The following EFCAB5 variants were observed in gnomAD, a reference collection of about 807,000 sequenced individuals.
EFCAB5 encodes the protein EF-hand calcium binding domain 5.
Under a neutral mutation model 167.9 loss-of-function variants are expected in EFCAB5, and 131 were observed. The observed-to-expected ratio is 0.78, with a 90% CI of 0.68 to 0.90. EFCAB5 has a LOEUF of 0.90. EFCAB5 is among the 40% of genes least tolerant of loss of function. The pLI is 0.00. For synonymous variants in EFCAB5, 574 were observed against 602.8 expected, an observed-to-expected ratio of 0.95 and a Z score of 0.70; for missense variants, 1,663 against 1,745.2, an observed-to-expected ratio of 0.95 and a Z score of 0.84.
At chr17:30,059,803 T>C in intron 14 of EFCAB5, 102 bp downstream of exon 14, 1 of 881,342 alleles carries the variant, frequency 1.1e-6, no homozygotes, top group Non-Finnish European at 1.6e-6. Context: ...CTAAAACCAC[T>C]AGATAACCCT....
chr17:30,047,279 T>C (rs2069954464), intron 8 of EFCAB5, among the ~76,000 whole-genome samples: 1 of 152,176 alleles, frequency 6.6e-6, no homozygotes, highest in Non-Finnish European at 1.5e-5. Context: ...CCTCTATATG[T>C]GCACTTCTAC....
chr17:30,000,023 T>C (rs757455154), intron 7 of EFCAB5, 47 bp downstream of exon 7: 1 of 1,415,724 alleles, frequency 7.1e-7, no homozygotes, highest in Non-Finnish European at 9.7e-7. Context: ...TTTTGTCAGT[T>C]TCAATTGTCT....
chr17:29,968,758 C>A, intron 3 of EFCAB5, 33 bp from the exon 4 acceptor site: 1 of 1,419,002 alleles, frequency 7.0e-7, no homozygotes, highest in Non-Finnish European at 9.3e-7. Context: ...TTACTTCTAA[C>A]ATTTCTTACA....
chr17:30,021,743 G>A (rs2069185215), intron 7 of EFCAB5, among the ~76,000 whole-genome samples: 1 of 151,928 alleles, frequency 6.6e-6, no homozygotes, highest in Admixed American at 6.6e-5. Flanking sequence ...CAAATCATTG[G>A]GCCATCCCAT....
chr17:30,067,457 A>T (rs182639145), intron 14 of EFCAB5, among the ~76,000 whole-genome samples: 179 of 152,022 alleles, frequency 1.2e-3, no homozygotes, highest in African/African-American at 4.0e-3. Flanking sequence ...TCTATTTAAA[A>T]AATAATAATA....
At chr17:29,955,343 G>T (rs1789894682) in intron 3 of EFCAB5, among the ~76,000 whole-genome samples, 1 of 152,076 alleles carries the variant, frequency 6.6e-6, no homozygotes, top group Non-Finnish European at 1.5e-5. Context: ...TGAATCATAG[G>T]GGTGGGTCTT....
chr17:30,016,960 T>G (rs915343108), intron 7 of EFCAB5, among the ~76,000 whole-genome samples: 6 of 152,048 alleles, frequency 3.9e-5, no homozygotes, highest in African/African-American at 1.4e-4. Context: ...GAGGATCTCT[T>G]GAGCCCCAGG....
At chr17:30,073,249 G>A (rs1389369422) in intron 14 of EFCAB5, 1 of 642,358 alleles carries the variant, frequency 1.6e-6, no homozygotes, top group Non-Finnish European at 2.8e-6. Context: ...TATGGATGGG[G>A]TCTCTCTGTG....
At chr17:30,008,404 C>T (rs2068820141) in intron 7 of EFCAB5, among the ~76,000 whole-genome samples, 1 of 152,174 alleles carries the variant, frequency 6.6e-6, no homozygotes, top group Admixed American at 6.5e-5. Context: ...ACCAGCCTGG[C>T]CAACATGGTG....
intron 8 of EFCAB5, among the ~76,000 whole-genome samples, chr17:30,037,788 C>T (rs2069665967): frequency 1.3e-5 from 2 of 151,894 alleles, no homozygotes; most frequent in Non-Finnish European, 2.9e-5. Flanking sequence ...AATACACATG[C>T]AAAGAAAATT....
At chr17:30,037,616 G>A (rs914086472) in intron 8 of EFCAB5, among the ~76,000 whole-genome samples, 1 of 152,118 alleles carries the variant, frequency 6.6e-6, no homozygotes, top group Non-Finnish European at 1.5e-5. Context: ...ATGAATAGAA[G>A]AAAAACATTT....
chr17:29,989,294 TG>T (rs2068358779), intron 4 of EFCAB5, among the ~76,000 whole-genome samples: 2 of 152,136 alleles, frequency 1.3e-5, no homozygotes, highest in East Asian at 1.9e-4. Context: ...ATTTCTTGAG[TG>T]GGGGCAAGCA....
intron 3 of EFCAB5, among the ~76,000 whole-genome samples, chr17:29,955,017 G>A (rs2067585275): frequency 6.6e-6 from 1 of 152,220 alleles, no homozygotes. Context: ...ATTTGGAATG[G>A]ATGTATACCC....
intron 6 of EFCAB5, among the ~76,000 whole-genome samples, chr17:29,997,645 C>A (rs984997060): frequency 5.3e-5 from 8 of 152,160 alleles, no homozygotes; most frequent in Non-Finnish European, 1.0e-4. Flanking sequence ...AATTCCACAG[C>A]AAAATTATAT....
At chr17:29,976,594 T>C (rs899528183) in intron 4 of EFCAB5, among the ~76,000 whole-genome samples, 11 of 152,194 alleles carry the variant, frequency 7.2e-5, no homozygotes, top group African/African-American at 2.7e-4. Flanking sequence ...AGTCCTGCTT[T>C]GAAATTCTCA....
chr17:30,104,756 T>A (rs1412010271), intron 22 of EFCAB5, among the ~76,000 whole-genome samples: 1 of 151,954 alleles, frequency 6.6e-6, no homozygotes, highest in East Asian at 1.9e-4. Context: ...TTAGAGCCGG[T>A]CGTTAACGCA....
chr17:30,080,647 A>G (rs1034803030), intron 16 of EFCAB5, 106 bp from the exon 17 acceptor site: 38 of 851,336 alleles, frequency 4.5e-5, no homozygotes, highest in Non-Finnish European at 6.9e-5. Flanking sequence ...CTGCTCGGTC[A>G]TATAATGCCA....
intron 8 of EFCAB5, among the ~76,000 whole-genome samples, chr17:30,035,208 C>G (rs1457540869): frequency 6.6e-6 from 1 of 152,102 alleles, no homozygotes; most frequent in African/African-American, 2.4e-5. Context: ...CTTCTTTTAA[C>G]AGAGCTTGTA....
chr17:30,050,775 G>T (rs1198553307), intron 8 of EFCAB5, among the ~76,000 whole-genome samples: 1 of 152,120 alleles, frequency 6.6e-6, no homozygotes. Context: ...AATGGAAAAA[G>T]GACAAGTAGG....
Sources: allele counts gnomAD v4.1 joint callset (sites outside exome capture counted in the v4.1 genomes callset), GRCh38; gene constraint gnomAD v4.1.1; transcripts MANE v1.5; gene names NCBI Gene and HGNC (gene_info 2026-07-23, HGNC 2026-07-21).